The following PELP1 variants were observed in gnomAD, a reference collection of about 807,000 sequenced individuals.
PELP1 encodes proline-, glutamic acid- and leucine-rich protein 1.
Under a neutral mutation model 95.5 loss-of-function variants are expected in PELP1, and 32 were observed. That is an observed-to-expected ratio of 0.34 (90% confidence interval 0.25 to 0.45). PELP1 has a LOEUF of 0.45. Ranked by LOEUF, PELP1 falls within the 20% of genes least tolerant of loss-of-function variation. PELP1 has a pLI of 1.00. For missense variants in PELP1, 1,358 were observed against 1,444.8 expected (o/e 0.94, Z 0.97); for synonymous variants, 668 against 600.1 (o/e 1.11, Z -1.65).
chr17:4,694,064 C>T (rs1407556125), intron 1 of PELP1, among the ~76,000 whole-genome samples: 7 of 152,136 alleles, frequency 4.6e-5, no homozygotes, highest in Non-Finnish European at 8.8e-5. Flanking sequence ...AGTCTTGACA[C>T]ATGGATGAAC....
At chr17:4,694,771 G>A (rs996859836) in intron 1 of PELP1, among the ~76,000 whole-genome samples, 5 of 151,216 alleles carry the variant, frequency 3.3e-5, no homozygotes, top group Non-Finnish European at 5.9e-5. Flanking sequence ...AGGAGTTCAA[G>A]ACCAGCCTGG....
Position 4,674,830 on chromosome 17 carries a change from G to A in PELP1, c.1401C>T (p.Ser467=), listed in dbSNP as rs549415330. The stretch of plus-strand genomic sequence containing the variant: ...TCACCTTAAGGGCATCAGCTGGCGG[G>A]GAGATGTCGCTGAGCAGGTGGGTGA... The part of the protein sequence containing the change: ...ALLTHLLSDI[S]PPADALKLRS... Residue 467 remains serine, a synonymous_variant, in exon 12 of 17, where the codon TCC becomes TCT. Coordinates refer to ENST00000572293, the MANE Select transcript of PELP1 (RefSeq NM_014389.3). 1.2e-6 allele frequency: 2 copies of A among 1,612,674 alleles called. No individual in the cohort carries two copies.
Position 4,675,393 on chromosome 17 carries a change from G to T in PELP1, c.1069-31C>A. The T allele has an allele frequency of 7.5e-7, 1 of 1,336,806 alleles. No homozygotes were observed. Among genetic ancestry groups the T allele is most frequent in the Non-Finnish European group, 1.0e-6 (1 of 956,016 alleles). The allele number at this position is 1,336,806 out of a possible 1,614,324, so 82.8% of individuals were successfully genotyped here. On this transcript the variant is annotated intron_variant, in intron 9 of 16. Transcript: ENST00000572293. The surrounding 1 kb of genome is among the most constrained non-coding windows in gnomAD (Gnocchi z 4.3). ...GAAAAAAGGGGCAGAGATAAAGAGTGGAGGAAGAAAGTGAGAGCCAGAGAG... is the reference window on the plus strand; with the variant it reads ...GAAAAAAGGGGCAGAGATAAAGAGTTGAGGAAGAAAGTGAGAGCCAGAGAG...
chr17:4,673,800 T>C lies in PELP1; in HGVS notation c.1583-126A>G, dbSNP rs1022432785. 11 of 779,550 alleles carry C rather than the reference T, an allele frequency of 1.4e-5. No homozygotes were observed. Among genetic ancestry groups the C allele is most frequent in the South Asian group, 2.8e-5 (2 of 71,132 alleles). 48.3% of individuals were successfully genotyped at this position (779,550 alleles called of 1,614,324 possible). A position where few individuals can be genotyped will look rare whatever the true frequency, so the allele number is the denominator to read the frequency against. ...CCTATCTTGGCCAAGTCATTTAACT[T>C]CTCAACTAGAAAATGGGGATCATAA... On this transcript the variant is annotated intron_variant, in intron 13 of 16. Transcript: ENST00000572293. The surrounding 1 kb of genome is among the most constrained non-coding windows in gnomAD (Gnocchi z 5.7).
intron 3 of PELP1, among the ~76,000 whole-genome samples, chr17:4,690,283 G>T (rs560436523): frequency 4.6e-5 from 7 of 152,234 alleles, no homozygotes; most frequent in Admixed American, 3.9e-4. Context: ...CGGAAATGTG[G>T]GAGATGGGTG....
intron 1 of PELP1, 53 bp from the exon 2 acceptor site, chr17:4,691,495 G>A: frequency 1.4e-6 from 2 of 1,416,756 alleles, no homozygotes; most frequent in Non-Finnish European, 2.0e-6. Flanking sequence ...TAAAAATGCA[G>A]AAGATTCTTC....
At chr17:4,696,394 GAAC>G (rs1913300108) in intron 1 of PELP1, among the ~76,000 whole-genome samples, 3 of 152,312 alleles carry the variant, frequency 2.0e-5, no homozygotes, top group South Asian at 2.1e-4. Context: ...TATTTCCAAA[GAAC>G]AACAAGGAGA....
At chr17:4,698,039 T>C (rs1597458480) in intron 1 of PELP1, among the ~76,000 whole-genome samples, 2 of 130,670 alleles carry the variant, frequency 1.5e-5, no homozygotes, top group Admixed American at 1.7e-4. Context: ...AGAGATAGGG[T>C]CTTGCCATGT....
At chr17:4,699,897 A>ATTTTTTT (rs34806511) in intron 1 of PELP1, among the ~76,000 whole-genome samples, 13 of 86,750 alleles carry the variant, frequency 1.5e-4, no homozygotes, top group African/African-American at 3.3e-4. Context: ...CTAGAGGGTG[A>ATTTTTTT]TTTTTTTTTT....
chr17:4,675,342 G>T lies in PELP1; in HGVS notation c.1089C>A (p.Pro363=). 1 of 1,553,954 alleles carries T rather than the reference G, an allele frequency of 6.4e-7. No homozygotes were observed. The highest frequency in any genetic ancestry group is 8.7e-7 in the Non-Finnish European group (1 of 1,147,494). ...TAGAGGGCAGCAGCAGCAGCCGCAG[G>T]GGACCATCTCCATGCAAGCTCTGGA... The part of the protein sequence containing the change: ...SKNISLHGDG[P]LRLLLLPSIH... The change falls in exon 10 of 17, where the codon CCC becomes CCA. Residue 363 remains proline (P), a synonymous_variant. Coordinates refer to ENST00000572293, the MANE Select transcript of PELP1 (RefSeq NM_014389.3). The surrounding 1 kb of genome is among the most constrained non-coding windows in gnomAD (Gnocchi z 4.3).
chr17:4,681,605 T>C (rs151301111), intron 5 of PELP1, among the ~76,000 whole-genome samples: 2 of 150,992 alleles, frequency 1.3e-5, no homozygotes, highest in Non-Finnish European at 3.0e-5. Context: ...ATCGAGACCA[T>C]CCTGGCCAAC....
intron 1 of PELP1, 189 bp from the exon 2 acceptor site, chr17:4,691,631 G>A (rs1290140530): frequency 6.7e-6 from 4 of 597,482 alleles, no homozygotes; most frequent in African/African-American, 1.9e-5. Flanking sequence ...GCTGTTTCTC[G>A]GCCTTTCCTC....
intron 5 of PELP1, among the ~76,000 whole-genome samples, chr17:4,678,435 A>C (rs1321793948): frequency 6.6e-6 from 1 of 152,076 alleles, no homozygotes; most frequent in Non-Finnish European, 1.5e-5. Flanking sequence ...CAATCTTAAC[A>C]CTGCACTCCT....
chr17:4,674,626 C>A lies in PELP1; in HGVS notation c.1466G>T (p.Gly489Val). Residue 489 changes from glycine (G) to valine (V), a missense_variant, in exon 13 of 17, where the codon GGG becomes GTG. By Grantham distance (109) the Gly-to-Val change is moderately radical. This residue lies in a region of PELP1 where 538 missense variants were observed against 628.1 expected (regional missense o/e 0.86). Transcript: ENST00000572293. The stretch of plus-strand genomic sequence containing the variant: ...TAGCTTCTTGGGGGCGCTAGGCTTC[C>A]CAGTCTGCAAACTCCCATCAGGGCT... Reference protein sequence around the residue: ...RGSPDGSLQTGKPSAPKKLKL... With the variant: ...RGSPDGSLQTVKPSAPKKLKL... 6.2e-7 allele frequency: 1 copy of A among 1,604,392 alleles called. No individual in the cohort carries two copies. Among genetic ancestry groups the A allele is most frequent in the Non-Finnish European group, 8.5e-7 (1 of 1,177,358 alleles).
intron 5 of PELP1, among the ~76,000 whole-genome samples, chr17:4,681,356 A>G (rs935127436): frequency 6.8e-6 from 1 of 147,578 alleles, no homozygotes; most frequent in Admixed American, 6.8e-5. Flanking sequence ...GTGGTGGCAT[A>G]TGTCAGTAAT....
At position 4,672,447 on chromosome 17, in the gene PELP1, A is replaced by AGGC. The variant is rs763233619; in HGVS notation, c.2541_2543dup (p.Pro848dup). The AGGC allele has an allele frequency of 1.8e-5, 28 of 1,530,566 alleles. No homozygotes were observed. The highest frequency in any genetic ancestry group is 2.4e-5 in the East Asian group (1 of 42,122). The allele number at this position is 1,530,566 out of a possible 1,614,324, so 94.8% of individuals were successfully genotyped here. ...GAGGGAGCGTCACAGGACCAGGAAC[A>AGGC]GGCGGCGGCGGAGGTGGGGGTGGCG... is the stretch of plus-strand genomic sequence containing the variant. On this transcript the variant is annotated inframe_insertion, in exon 16 of 17. Coordinates refer to ENST00000572293, the MANE Select transcript of PELP1 (RefSeq NM_014389.3).
chr17:4,672,616 G>A lies in PELP1; in HGVS notation c.2375C>T (p.Pro792Leu). 1 of 1,609,194 alleles carries A rather than the reference G, an allele frequency of 6.2e-7. No homozygotes were observed. Among genetic ancestry groups the A allele is most frequent in the East Asian group, 2.2e-5 (1 of 44,852 alleles). The change falls in exon 16 of 17, where the codon CCC becomes CTC. Residue 792 changes from proline (P) to leucine (L), a missense_variant. Transcript: ENST00000572293. ...GGGTGGCAGGGGGGGAAGCCCCTCGGGCACGATCACCACGCTGTCATCAGA... is the reference window on the plus strand; with the variant it reads ...GGGTGGCAGGGGGGGAAGCCCCTCGAGCACGATCACCACGCTGTCATCAGA... ...SDSDDSVVIV[P>L]EGLPPLPPPP... is the part of the protein sequence containing the mutation.
In PELP1 at chr17:4,676,252, A is replaced by G. The variant is rs950102649; in HGVS notation, c.854-90T>C. The G allele has an allele frequency of 2.5e-6, 4 of 1,580,862 alleles. No individual in the cohort carries two copies. In the African/African-American group the frequency reaches 4.1e-5, roughly 16 times the overall value. Reference sequence around the variant, plus strand: ...GGACGACCTGCCTGTATTCTAACCCATTTTCCCCAAAAACCAACTGCCCCA... The same window carrying G: ...GGACGACCTGCCTGTATTCTAACCCGTTTTCCCCAAAAACCAACTGCCCCA... On this transcript the variant is annotated intron_variant, in intron 7 of 16. Transcript: ENST00000572293.
In PELP1 at chr17:4,675,771, C is replaced by T. The variant is rs771378924; in HGVS notation, c.1068+26G>A. 6 of 1,501,080 alleles carry T rather than the reference C, an allele frequency of 4.0e-6. No individual in the cohort carries two copies. Among genetic ancestry groups the T allele is most frequent in the Non-Finnish European group, 5.5e-6 (6 of 1,098,978 alleles). The allele number at this position is 1,501,080 out of a possible 1,614,324, so 93.0% of individuals were successfully genotyped here. A position where few individuals can be genotyped will look rare whatever the true frequency, so the allele number is the denominator to read the frequency against. On this transcript the variant is annotated intron_variant, in intron 9 of 16. Transcript: ENST00000572293. The surrounding 1 kb of genome is among the most constrained non-coding windows in gnomAD (Gnocchi z 4.3). ...TTGCCTGGTATCCTGAGCAAGGGCT[C>T]TGAAGAGATGACAAATCCCACTTAC...
Sources: allele counts gnomAD v4.1 joint callset (sites outside exome capture counted in the v4.1 genomes callset), GRCh38; gene constraint gnomAD v4.1.1; regional missense constraint gnomAD v4.1.1; non-coding constraint Gnocchi (gnomAD v3.1); transcripts MANE v1.5; gene names NCBI Gene and HGNC (gene_info 2026-07-23, HGNC 2026-07-21).